The following CCDC91 variants were observed in gnomAD, a reference collection of about 807,000 sequenced individuals.
CCDC91 encodes coiled-coil domain containing 91.
A neutral mutation model predicts 63.2 loss-of-function variants in CCDC91; 48 were observed. That is an observed-to-expected ratio of 0.76 (90% CI 0.60 to 0.97). The LOEUF (loss-of-function observed/expected upper bound fraction) is 0.97. CCDC91 is among the 50% of genes least tolerant of loss of function. The pLI is 0.00. For synonymous variants in CCDC91, 167 were observed against 165.8 expected, an observed-to-expected ratio of 1.01 and a Z score of -0.06; for missense variants, 500 against 494.6, an observed-to-expected ratio of 1.01 and a Z score of -0.10.
chr12:28,459,656 ATAAT>A (rs572671181), intron 11 of CCDC91, among the ~76,000 whole-genome samples: 165 of 152,292 alleles, frequency 1.1e-3, no homozygotes, highest in African/African-American at 3.8e-3. Context: ...GAGGTCAAGG[ATAAT>A]TACTTTCAGC....
At chr12:28,426,876 C>A (rs1243073025) in intron 8 of CCDC91, among the ~76,000 whole-genome samples, 1 of 152,098 alleles carries the variant, frequency 6.6e-6, no homozygotes, top group African/African-American at 2.4e-5. Flanking sequence ...TTATGATGTA[C>A]TATATAATAG....
At chr12:28,294,592 T>C (rs1949445170) in intron 3 of CCDC91, among the ~76,000 whole-genome samples, 1 of 150,160 alleles carries the variant, frequency 6.7e-6, no homozygotes, top group Non-Finnish European at 1.5e-5. Context: ...TGCTTCCTCT[T>C]TTTTTTTTTG....
chr12:28,477,514 G>A (rs193064017), intron 11 of CCDC91, among the ~76,000 whole-genome samples: 2,496 of 152,062 alleles, frequency 0.016, 31 homozygotes, highest in African/African-American at 0.029. Context: ...AATATCATAC[G>A]GAATGGGCAA....
intron 3 of CCDC91, among the ~76,000 whole-genome samples, chr12:28,266,710 G>A (rs993533966): frequency 5.9e-5 from 9 of 151,854 alleles, no homozygotes; most frequent in African/African-American, 2.2e-4. Flanking sequence ...ACTGTGGTGT[G>A]CATTTTAGGA....
chr12:28,362,040 G>A (rs930336458), intron 6 of CCDC91, among the ~76,000 whole-genome samples: 3 of 151,916 alleles, frequency 2.0e-5, no homozygotes, highest in Admixed American at 6.6e-5. Context: ...GTAGAATTGG[G>A]GTCTAATCAT....
intron 12 of CCDC91, among the ~76,000 whole-genome samples, chr12:28,528,517 A>C (rs1941468892): frequency 6.6e-6 from 1 of 152,090 alleles, no homozygotes; most frequent in East Asian, 1.9e-4. Flanking sequence ...CACTTCCTTC[A>C]GAGGGTCTGT....
intron 8 of CCDC91, among the ~76,000 whole-genome samples, chr12:28,417,486 T>G (rs1314026677): frequency 1.3e-5 from 2 of 152,042 alleles, no homozygotes; most frequent in African/African-American, 4.8e-5. Context: ...GTTATATGCT[T>G]GGAATCAAAT....
chr12:28,505,193 T>C (rs1272603123), intron 12 of CCDC91, among the ~76,000 whole-genome samples: 1 of 151,920 alleles, frequency 6.6e-6, no homozygotes, highest in Non-Finnish European at 1.5e-5. Context: ...TTTTTCTAAT[T>C]TGGGATGCGG....
intron 6 of CCDC91, among the ~76,000 whole-genome samples, chr12:28,334,605 G>T (rs1044362462): frequency 1.3e-5 from 2 of 152,264 alleles, no homozygotes; most frequent in East Asian, 1.9e-4. Context: ...CATTCTCCTT[G>T]CACATAAATT....
chr12:28,207,045 T>G (rs1366913142), intron 1 of CCDC91, among the ~76,000 whole-genome samples: 1 of 152,232 alleles, frequency 6.6e-6, no homozygotes, highest in Non-Finnish European at 1.5e-5. Context: ...TGTAAGATTA[T>G]CCATGTATAA....
At chr12:28,278,995 A>G (rs905470917) in intron 3 of CCDC91, among the ~76,000 whole-genome samples, 4 of 152,050 alleles carry the variant, frequency 2.6e-5, no homozygotes, top group African/African-American at 9.7e-5. Context: ...TTATGCATAT[A>G]CGATTACAAT....
chr12:28,387,509 C>T (rs1409061627), intron 7 of CCDC91, among the ~76,000 whole-genome samples: 1 of 152,128 alleles, frequency 6.6e-6, no homozygotes, highest in Non-Finnish European at 1.5e-5. Flanking sequence ...ATGCACTGAA[C>T]CCAATTTGTA....
At chr12:28,508,829 C>T (rs1939043482) in intron 12 of CCDC91, among the ~76,000 whole-genome samples, 1 of 151,876 alleles carries the variant, frequency 6.6e-6, no homozygotes. Flanking sequence ...TTATTTCTAC[C>T]CCTCGGTTCC....
chr12:28,325,302 CT>C (rs1284540637), intron 6 of CCDC91, among the ~76,000 whole-genome samples: 1 of 151,920 alleles, frequency 6.6e-6, no homozygotes, highest in African/African-American at 2.4e-5. Flanking sequence ...TCTGAATGTA[CT>C]TTTTCTCCTG....
intron 1 of CCDC91, among the ~76,000 whole-genome samples, chr12:28,233,258 C>T (rs1944723322): frequency 6.6e-6 from 1 of 152,080 alleles, no homozygotes; most frequent in South Asian, 2.1e-4. Context: ...CCATTCTCCC[C>T]CAACCCCTGG....
intron 12 of CCDC91, among the ~76,000 whole-genome samples, chr12:28,490,121 A>G (rs745838259): frequency 5.9e-5 from 9 of 151,808 alleles, no homozygotes; most frequent in Non-Finnish European, 1.3e-4. Context: ...AGTGTAGGAA[A>G]ATGGCGCTTT....
intron 6 of CCDC91, among the ~76,000 whole-genome samples, chr12:28,316,577 T>TC (rs1939892696): frequency 6.9e-6 from 1 of 144,504 alleles, no homozygotes. Flanking sequence ...TTTTTTTTTT[T>TC]TTTTTGCTAT....
rs562497614 is a variant in CCDC91, at chr12:28,502,235, C to T, written c.1215+18070C>T. The stretch of plus-strand genomic sequence containing the variant: ...AGCTGATAAGCAACTTCAGCAAAGT[C>T]TCAGGATACAAAATCAATGTACAAA... On this transcript the variant is annotated intron_variant, in intron 12 of 12. Coordinates refer to ENST00000536442, the MANE Select transcript of CCDC91 (RefSeq NM_018318.5). Among the ~76,000 whole-genome samples, 31 of 152,008 alleles carry T rather than the reference C, an allele frequency of 2.0e-4. 1 individual carries two copies. The East Asian group carries it at 6.1e-3, about 30-fold the overall frequency.
chr12:28,272,937 C>T (rs562244861), intron 3 of CCDC91, among the ~76,000 whole-genome samples: 1 of 151,922 alleles, frequency 6.6e-6, no homozygotes, highest in East Asian at 1.9e-4. Flanking sequence ...GTGCTGTACC[C>T]AGTAACTCGT....
Sources: gnomAD v4.1 joint callset for allele counts (sites outside exome capture counted in the v4.1 genomes callset) on GRCh38, gnomAD v4.1.1 for gene constraint, MANE v1.5 for transcripts, NCBI Gene and HGNC (gene_info 2026-07-23, HGNC 2026-07-21) for gene names.